PCBP3: variants seen among roughly 807,000 people sequenced by gnomAD.
PCBP3 encodes the protein poly(rC)-binding protein 3.
Under a neutral mutation model 52.7 loss-of-function variants are expected in PCBP3, and 25 were observed. The ratio of observed to expected loss-of-function variants is 0.47; its 90% CI spans 0.35 to 0.66. The LOEUF (loss-of-function observed/expected upper bound fraction) is 0.66. PCBP3 is among the 30% of genes least tolerant of loss of function. The pLI, the probability that PCBP3 is intolerant of heterozygous loss-of-function variation, is 0.01. For synonymous variants in PCBP3, 162 were observed against 183.0 expected (o/e 0.89, Z 0.93); for missense variants, 391 against 490.3 (o/e 0.80, Z 1.91).
intron 4 of PCBP3, chr21:45,763,242 G>A (rs1285371321): frequency 1.3e-5 from 2 of 152,244 alleles, no homozygotes; most frequent in Non-Finnish European, 2.9e-5. Flanking sequence ...TCCCACCATT[G>A]AGGGCTGTAA....
At chr21:45,845,575 C>T (rs564104772) in intron 4 of PCBP3, among the ~76,000 whole-genome samples, 2 of 151,602 alleles carry the variant, frequency 1.3e-5, no homozygotes, top group Non-Finnish European at 2.9e-5. Context: ...CACCCGTGTG[C>T]ACACGTGTGA....
chr21:45,909,564 T>G, intron 10 of PCBP3, 78 bp downstream of exon 10: 1 of 1,440,406 alleles, frequency 6.9e-7, no homozygotes, highest in Non-Finnish European at 9.5e-7. Flanking sequence ...CCAGGCAGCC[T>G]TCCTGAGCCT....
intron 4 of PCBP3, among the ~76,000 whole-genome samples, chr21:45,765,775 T>A (rs546405823): frequency 6.6e-6 from 1 of 152,350 alleles, no homozygotes; most frequent in African/African-American, 2.4e-5. Context: ...CTGGAGTAAC[T>A]GTGGATGATG....
intron 3 of PCBP3, among the ~76,000 whole-genome samples, chr21:45,739,199 T>G (rs558627091): frequency 1.2e-5 from 1 of 81,680 alleles, no homozygotes; most frequent in East Asian, 4.0e-4. Context: ...AGCCCACCCC[T>G]TCCTGCCCAT....
At chr21:45,931,639 G>A (rs1286276542) in intron 15 of PCBP3, among the ~76,000 whole-genome samples, 1 of 152,228 alleles carries the variant, frequency 6.6e-6, no homozygotes, top group Non-Finnish European at 1.5e-5. Context: ...GGGCCGTGCT[G>A]TCCTGAGATG....
chr21:45,849,806 A>G (rs901850396), intron 4 of PCBP3, among the ~76,000 whole-genome samples, 155 bp from the exon 5 acceptor site: 7 of 152,036 alleles, frequency 4.6e-5, no homozygotes, highest in Non-Finnish European at 8.8e-5. Flanking sequence ...GCTTGCTGGC[A>G]CTCTGTCTCC....
chr21:45,886,406 G>A (rs1274826420), intron 5 of PCBP3, among the ~76,000 whole-genome samples: 1 of 146,328 alleles, frequency 6.8e-6, no homozygotes, highest in Non-Finnish European at 1.5e-5. Flanking sequence ...GTGGTGAGGT[G>A]TGGAGGCCTC....
At chr21:45,662,705 T>C (rs2080487217) in intron 1 of PCBP3, among the ~76,000 whole-genome samples, 1 of 151,964 alleles carries the variant, frequency 6.6e-6, no homozygotes, top group South Asian at 2.1e-4. Context: ...AACCGGGCCA[T>C]ACAGAAATAG....
intron 4 of PCBP3, among the ~76,000 whole-genome samples, chr21:45,820,082 A>T (rs1377443290): frequency 6.6e-6 from 1 of 152,262 alleles, no homozygotes; most frequent in Non-Finnish European, 1.5e-5. Context: ...TCTCCGTTTC[A>T]GCCACTGGCT....
In PCBP3 at chr21:45,659,337, C is replaced by CTTTT. The variant is rs36113182; in HGVS notation, c.-278-9517_-278-9514dup. Among the ~76,000 whole-genome samples, 64 of 78,726 alleles carry CTTTT rather than the reference C, an allele frequency of 8.1e-4. 1 individual carries two copies. Among genetic ancestry groups the CTTTT allele is most frequent in the African/African-American group, 1.2e-3 (25 of 20,230 alleles). The allele number at this position is 78,726 out of a possible 152,430, so 51.6% of individuals were successfully genotyped here. On this transcript the variant is annotated intron_variant, in intron 1 of 17. Coordinates refer to ENST00000681687, the MANE Select transcript of PCBP3 (RefSeq NM_001384156.1). ...ATATGTTGTGCTTTCTTTTACTTTC[C>CTTTT]TTTTTTTTTTTTTTTTTTTTTTTGA...
chr21:45,868,430 TTTA>T (rs1163640623), intron 5 of PCBP3, among the ~76,000 whole-genome samples: 21 of 126,362 alleles, frequency 1.7e-4, no homozygotes, highest in Non-Finnish European at 1.9e-4. Context: ...TTTTTTTTTT[TTTA>T]AATAAAGGAT....
chr21:45,658,970 T>C (rs1197505811), intron 1 of PCBP3, among the ~76,000 whole-genome samples: 3 of 152,096 alleles, frequency 2.0e-5, no homozygotes, highest in Non-Finnish European at 4.4e-5. Flanking sequence ...TATTTCTTTA[T>C]AGTCCTTTTA....
At chr21:45,931,916 C>G (rs1262578840) in intron 15 of PCBP3, among the ~76,000 whole-genome samples, 1 of 102,878 alleles carries the variant, frequency 9.7e-6, no homozygotes, top group African/African-American at 3.9e-5. Context: ...AACAAACACC[C>G]GGGCCATGCT....
At position 45,930,012 on chromosome 21, in the gene PCBP3, T is replaced by C. The variant is rs1337856793; in HGVS notation, c.796+17T>C. 6.4e-7 allele frequency: 1 copy of C among 1,572,234 alleles called. No individual in the cohort carries two copies. Among genetic ancestry groups the C allele is most frequent in the Non-Finnish European group, 8.8e-7 (1 of 1,142,410 alleles). ...CTTTCCCCGGTACGTACCCAGCCCT[T>C]TTCTCACCTCCTTCTCTTCTCACCT... On this transcript the variant is annotated intron_variant, in intron 14 of 17. Transcript: ENST00000681687.
chr21:45,851,449 T>C lies in PCBP3; in HGVS notation c.10+1354T>C, dbSNP rs544224304. On this transcript the variant is annotated intron_variant, in intron 5 of 17. Coordinates refer to ENST00000681687, the MANE Select transcript of PCBP3 (RefSeq NM_001384156.1). ...ATTGCTTGAACCCGGGAGGAGAAGG[T>C]TGTAGTGAGCCAAGATTGTGCCCTT... Among the ~76,000 whole-genome samples the C allele has an allele frequency of 2.6e-5, 4 of 151,946 alleles. No individual in the cohort carries two copies. The South Asian group carries it at 6.2e-4, about 24-fold the overall frequency.
chr21:45,851,442 G>A (rs1196847515), intron 5 of PCBP3, among the ~76,000 whole-genome samples: 1 of 152,194 alleles, frequency 6.6e-6, no homozygotes. Context: ...AACCCGGGAG[G>A]AGAAGGTTGT....
At chr21:45,932,775 A>G (rs2076424043) in intron 15 of PCBP3, among the ~76,000 whole-genome samples, 1 of 151,206 alleles carries the variant, frequency 6.6e-6, no homozygotes, top group South Asian at 2.1e-4. Flanking sequence ...AGATGAATGA[A>G]CACATCAGCC....
At chr21:45,693,072 C>T (rs979183359) in intron 2 of PCBP3, among the ~76,000 whole-genome samples, 12 of 152,070 alleles carry the variant, frequency 7.9e-5, no homozygotes, top group Admixed American at 2.6e-4. Flanking sequence ...AAACATTTGA[C>T]AAAATTCAAC....
intron 1 of PCBP3, among the ~76,000 whole-genome samples, chr21:45,657,664 T>C (rs2080103396): frequency 1.3e-5 from 2 of 148,338 alleles, no homozygotes; most frequent in South Asian, 4.2e-4. Context: ...GTTTGGTTTG[T>C]CACTTTCTGG....
Sources: gnomAD v4.1 joint callset for allele counts (sites outside exome capture counted in the v4.1 genomes callset) on GRCh38, gnomAD v4.1.1 for gene constraint, MANE v1.5 for transcripts, NCBI Gene and HGNC (gene_info 2026-07-23, HGNC 2026-07-21) for gene names.